The following SPTBN1 variants were observed in gnomAD, a reference collection of about 807,000 sequenced individuals.
The protein encoded by SPTBN1 is spectrin beta, non-erythrocytic 1.
SPTBN1 carries 32 observed loss-of-function variants against 266.4 expected under a neutral mutation model. The ratio of observed to expected loss-of-function variants is 0.12; its 90% CI spans 0.09 to 0.16. SPTBN1 has a LOEUF of 0.16. Ranked by LOEUF, SPTBN1 falls within the 10% of genes least tolerant of loss-of-function variation. The probability of loss-of-function intolerance (pLI) is 1.00; values close to 1 mark genes in which losing one functional copy is unlikely to be tolerated. For synonymous variants in SPTBN1, 1,336 were observed against 1,162.2 expected (o/e 1.15, Z -3.04); for missense variants, 2,296 against 3,067.1 (o/e 0.75, Z 5.94).
chr2:54,648,552 G>A (rs576369051), intron 24 of SPTBN1, among the ~76,000 whole-genome samples: 1 of 152,178 alleles, frequency 6.6e-6, no homozygotes, highest in African/African-American at 2.4e-5. Flanking sequence ...GACCACTCTG[G>A]ATTTTGCATT....
chr2:54,478,710 C>T (rs1356151565), intron 1 of SPTBN1, among the ~76,000 whole-genome samples: 1 of 152,160 alleles, frequency 6.6e-6, no homozygotes, highest in Non-Finnish European at 1.5e-5. Flanking sequence ...TAATTGGAAC[C>T]ACTTGGGATG....
intron 2 of SPTBN1, among the ~76,000 whole-genome samples, chr2:54,578,455 A>AGCTGCT (rs147088727): frequency 3.9e-5 from 6 of 152,078 alleles, no homozygotes; most frequent in East Asian, 1.9e-4. Context: ...GTTTCCGGTT[A>AGCTGCT]GCTGCTGCTG....
intron 1 of SPTBN1, among the ~76,000 whole-genome samples, chr2:54,473,333 G>A (rs1417386018): frequency 2.0e-5 from 3 of 152,162 alleles, no homozygotes; most frequent in African/African-American, 4.8e-5. Flanking sequence ...CTTGGAAAAT[G>A]CGTGTGTGGG....
At chr2:54,564,536 G>A (rs1372440170) in intron 2 of SPTBN1, among the ~76,000 whole-genome samples, 1 of 152,164 alleles carries the variant, frequency 6.6e-6, no homozygotes, top group African/African-American at 2.4e-5. Flanking sequence ...TCTTTGCTGG[G>A]ATTTGACTCC....
chr2:54,609,574 TAG>T (rs1483412914), intron 3 of SPTBN1, among the ~76,000 whole-genome samples: 1 of 152,186 alleles, frequency 6.6e-6, no homozygotes, highest in Non-Finnish European at 1.5e-5. Context: ...AATCTTTCCA[TAG>T]AGTTTTGTGT....
intron 1 of SPTBN1, among the ~76,000 whole-genome samples, chr2:54,507,782 A>G (rs571090237): frequency 7.0e-6 from 1 of 142,736 alleles, no homozygotes; most frequent in Non-Finnish European, 1.5e-5. Flanking sequence ...AGCACTCTTC[A>G]TTTAAAAATA....
intron 1 of SPTBN1, among the ~76,000 whole-genome samples, chr2:54,478,924 A>ATG (rs1446879560): frequency 1.3e-5 from 2 of 152,092 alleles, no homozygotes; most frequent in Admixed American, 1.3e-4. Context: ...GTATATATAT[A>ATG]TATGTTTTAT....
At chr2:54,494,925 A>T (rs1203303146) in intron 1 of SPTBN1, among the ~76,000 whole-genome samples, 1 of 152,042 alleles carries the variant, frequency 6.6e-6, no homozygotes, top group Non-Finnish European at 1.5e-5. Context: ...TTTAAAAAAA[A>T]AAAAATGTCC....
At chr2:54,585,733 T>C (rs1479241443) in intron 2 of SPTBN1, among the ~76,000 whole-genome samples, 1 of 152,242 alleles carries the variant, frequency 6.6e-6, no homozygotes, top group East Asian at 1.9e-4. Flanking sequence ...TTAATGCTTT[T>C]AGATGTCCTT....
At chr2:54,560,149 C>CT (rs1264431893) in intron 2 of SPTBN1, among the ~76,000 whole-genome samples, 4 of 137,636 alleles carry the variant, frequency 2.9e-5, no homozygotes, top group Non-Finnish European at 6.1e-5. Context: ...AAAACTTAAG[C>CT]TGGGGGCGCT....
At chr2:54,532,946 C>T (rs2104361511) in intron 2 of SPTBN1, among the ~76,000 whole-genome samples, 1 of 152,168 alleles carries the variant, frequency 6.6e-6, no homozygotes, top group African/African-American at 2.4e-5. Context: ...TAACATAGAC[C>T]TTATCATTAT....
chr2:54,578,752 GT>G (rs1481698523), intron 2 of SPTBN1, among the ~76,000 whole-genome samples: 8 of 113,558 alleles, frequency 7.0e-5, no homozygotes, highest in Admixed American at 3.6e-4. Context: ...CTGATGGGGT[GT>G]GTGTGTGTGT....
At chr2:54,601,014 A>G (rs1676465751) in intron 3 of SPTBN1, among the ~76,000 whole-genome samples, 1 of 152,108 alleles carries the variant, frequency 6.6e-6, no homozygotes, top group Admixed American at 6.5e-5. Context: ...ATAAGTAGGG[A>G]GAAAAACCAG....
In SPTBN1 at chr2:54,623,553, T is replaced by G. The variant is rs553032217; in HGVS notation, c.1139T>G (p.Val380Gly). 1.2e-6 allele frequency: 2 copies of G among 1,614,062 alleles called. No individual in the cohort carries two copies. Among genetic ancestry groups the G allele is most frequent in the Non-Finnish European group, 1.7e-6 (2 of 1,179,976 alleles). Reference protein sequence around the residue: ...QSKMRANNQKVYMPREGKLIS... With the variant: ...QSKMRANNQKGYMPREGKLIS... Reference sequence around the variant, plus strand: ...AAGATGAGGGCCAACAACCAGAAGGTCTACATGCCCCGGGAGGGGAAGCTC... The same window carrying G: ...AAGATGAGGGCCAACAACCAGAAGGGCTACATGCCCCGGGAGGGGAAGCTC... The change falls in exon 10 of 36, where the codon GTC (valine) becomes GGC (glycine). Residue 380 changes from valine to glycine, a missense_variant. Transcript: ENST00000356805.
chr2:54,484,478 T>C (rs1205367906), intron 1 of SPTBN1, among the ~76,000 whole-genome samples: 1 of 152,112 alleles, frequency 6.6e-6, no homozygotes, highest in African/African-American at 2.4e-5. Flanking sequence ...TTCCTCAAGC[T>C]CAGAGAGCAA....
At chr2:54,459,393 A>G (rs1014324096) in intron 1 of SPTBN1, among the ~76,000 whole-genome samples, 5 of 152,220 alleles carry the variant, frequency 3.3e-5, no homozygotes, top group Admixed American at 6.5e-5. Flanking sequence ...TGGCATTGGC[A>G]GAGTTTCCTG....
rs1348170775 is a variant in SPTBN1, at chr2:54,646,642, C to T, written c.4866+167C>T. 6.6e-6 allele frequency among the ~76,000 whole-genome samples: 1 copy of T among 152,210 alleles called. No homozygotes were observed. The highest frequency in any genetic ancestry group is 2.1e-4 in the South Asian group (1 of 4,834). On this transcript the variant is annotated intron_variant, in intron 23 of 35. Transcript: ENST00000356805. The surrounding 1 kb of genome is among the most constrained non-coding windows in gnomAD (Gnocchi z 4.4). Reference sequence around the variant, plus strand: ...GTCTGAAATCCAGCTGCTGGTTTCCCTTTGGTGCAGCATTTTCTTATCTGA... The same window carrying T: ...GTCTGAAATCCAGCTGCTGGTTTCCTTTTGGTGCAGCATTTTCTTATCTGA...
At chr2:54,603,898 C>A (rs377360313) in intron 3 of SPTBN1, among the ~76,000 whole-genome samples, 5 of 152,202 alleles carry the variant, frequency 3.3e-5, no homozygotes, top group African/African-American at 1.2e-4. Context: ...TGTATTTCCT[C>A]TTCACCTGAA....
At chr2:54,471,188 A>G (rs1693900399) in intron 1 of SPTBN1, among the ~76,000 whole-genome samples, 1 of 152,220 alleles carries the variant, frequency 6.6e-6, no homozygotes, top group Non-Finnish European at 1.5e-5. Context: ...GTTTGAGACC[A>G]GCTTGGGCGA....
Sources: gnomAD v4.1 joint callset for allele counts (sites outside exome capture counted in the v4.1 genomes callset) on GRCh38, gnomAD v4.1.1 for gene constraint, Gnocchi (gnomAD v3.1) non-coding constraint, MANE v1.5 for transcripts, NCBI Gene and HGNC (gene_info 2026-07-23, HGNC 2026-07-21) for gene names.